NCS1: variants seen among roughly 807,000 people sequenced by gnomAD.
NCS1 encodes neuronal calcium sensor 1.
Under a neutral mutation model 28.4 loss-of-function variants are expected in NCS1, and 6 were observed. The ratio of observed to expected loss-of-function variants is 0.21; its 90% confidence interval spans 0.12 to 0.42. The LOEUF is 0.42. Ranked by LOEUF, NCS1 falls within the 10% of genes least tolerant of loss-of-function variation. NCS1 has a pLI of 1.00. For synonymous variants in NCS1, 86 were observed against 99.3 expected, an observed-to-expected ratio of 0.87 and a Z score of 0.79; for missense variants, 131 against 241.4, an observed-to-expected ratio of 0.54 and a Z score of 3.03.
Position 130,235,431 on chromosome 9 carries a change from G to A in NCS1, c.*2459G>A, listed in dbSNP as rs1467442904. The A allele has an allele frequency of 1.3e-5, 2 of 152,694 alleles. No homozygotes were observed. The highest frequency in any genetic ancestry group is 4.8e-5 in the African/African-American group (2 of 41,602). The allele number at this position is 152,694 out of a possible 1,614,324, so 9.5% of individuals were successfully genotyped here. ...TCTCTGGTCCAATGGGACTGACACT[G>A]TTGTACAACCTGACCTGTGGCTGAG... On this transcript the variant is annotated 3_prime_UTR_variant, in exon 8 of 8. Transcript: ENST00000372398.
At chr9:130,193,016 C>G (rs1483510326) in intron 1 of NCS1, among the ~76,000 whole-genome samples, 1 of 152,184 alleles carries the variant, frequency 6.6e-6, no homozygotes, top group Non-Finnish European at 1.5e-5. Flanking sequence ...GAGTCCAGGT[C>G]CCACAAGAGA....
At position 130,233,700 on chromosome 9, in the gene NCS1, G is replaced by A. The variant is rs1833531079; in HGVS notation, c.*728G>A. The A allele has an allele frequency of 6.6e-6, 1 of 152,364 alleles. No homozygotes were observed. Among genetic ancestry groups the A allele is most frequent in the African/African-American group, 2.4e-5 (1 of 41,376 alleles). The allele number at this position is 152,364 out of a possible 1,614,324, so 9.4% of individuals were successfully genotyped here. On this transcript the variant is annotated 3_prime_UTR_variant, in exon 8 of 8. Coordinates refer to ENST00000372398, the MANE Select transcript of NCS1 (RefSeq NM_014286.4). The surrounding 1 kb of genome is among the most constrained non-coding windows in gnomAD (Gnocchi z 4.8). ...TGCCTGGTGTGTCCTCAGCTCCCAG[G>A]GCTGCGGGCCCACCGTTTACATGTG...
chr9:130,172,742 C>A lies in NCS1; in HGVS notation c.64+15C>A. 3 of 1,456,398 alleles carry A rather than the reference C, an allele frequency of 2.1e-6. No individual in the cohort carries two copies. Among genetic ancestry groups the A allele is most frequent in the Non-Finnish European group, 1.8e-6 (2 of 1,090,982 alleles). 90.2% of individuals were successfully genotyped at this position (1,456,398 alleles called of 1,614,324 possible). On this transcript the variant is annotated intron_variant, in intron 1 of 7. Coordinates refer to ENST00000372398, the MANE Select transcript of NCS1 (RefSeq NM_014286.4). The stretch of plus-strand genomic sequence containing the variant: ...GAAGACCTACTGTGAGTGCTCCCAG[C>A]CCCCAGCCCGCGCCCCGCGGTCACC...
At chr9:130,174,938 G>C (rs1490421922) in intron 1 of NCS1, among the ~76,000 whole-genome samples, 1 of 152,148 alleles carries the variant, frequency 6.6e-6, no homozygotes, top group African/African-American at 2.4e-5. Context: ...AAGAGAAGTT[G>C]AGTCAACAAA....
Position 130,223,091 on chromosome 9 carries a change from G to T in NCS1, c.406G>T (p.Val136Leu), listed in dbSNP as rs1406411459. 2 of 1,613,810 alleles carry T rather than the reference G, an allele frequency of 1.2e-6. No individual in the cohort carries two copies. The highest frequency in any genetic ancestry group is 2.7e-5 in the African/African-American group (2 of 74,898). Residue 136 changes from valine (V) to leucine (L), a missense_variant, in exon 6 of 8, where the codon GTG (valine) becomes TTG (leucine). Around this residue, in one of 2 missense-constraint regions of NCS1, gnomAD observed 100 missense variants for 210.3 expected, o/e 0.48. Transcript: ENST00000372398. ...DAIYQMVGNT[V>L]ELPEEENTPE... ...TTGTCCGTCCCTGCAGGGGAATACC[G>T]TGGAGCTCCCAGAGGAGGAGAACAC...
intron 1 of NCS1, among the ~76,000 whole-genome samples, chr9:130,189,047 C>T (rs782021901): frequency 1.3e-5 from 2 of 152,192 alleles, no homozygotes; most frequent in Non-Finnish European, 2.9e-5. Context: ...GACAGATAGA[C>T]AGCTGTGTGG....
At position 130,180,288 on chromosome 9, in the gene NCS1, C is replaced by T. The variant is rs533494422; in HGVS notation, c.64+7561C>T. Among the ~76,000 whole-genome samples the T allele has an allele frequency of 6.6e-6, 1 of 152,200 alleles. No individual in the cohort carries two copies. The highest frequency in any genetic ancestry group is 2.1e-4 in the South Asian group (1 of 4,818). On this transcript the variant is annotated intron_variant, in intron 1 of 7. Coordinates refer to ENST00000372398, the MANE Select transcript of NCS1 (RefSeq NM_014286.4). This position sits in a 1 kb window ranked among gnomAD's most constrained non-coding sequence, Gnocchi z 4.5. ...GCCTCAAGTGGTGCACCCACCTTGG[C>T]CTCCCAAAGTGCTGGGATTACAGGC...
chr9:130,192,560 C>T lies in NCS1; in HGVS notation c.65-8398C>T, dbSNP rs140866917. 7.6e-3 allele frequency among the ~76,000 whole-genome samples: 1,155 copies of T among 152,132 alleles called. 13 individuals are homozygous for T. Among genetic ancestry groups the T allele is most frequent in the African/African-American group, 0.026 (1,091 of 41,486 alleles). On this transcript the variant is annotated intron_variant, in intron 1 of 7. Transcript: ENST00000372398. This position sits in a 1 kb window ranked among gnomAD's most constrained non-coding sequence, Gnocchi z 4.8. Reference sequence around the variant, plus strand: ...GGAGGTCTCAGGAGTTGACCTCTTTCGTGGGACAGAGAGGGGAGGGTGCGT... The same window carrying T: ...GGAGGTCTCAGGAGTTGACCTCTTTTGTGGGACAGAGAGGGGAGGGTGCGT...
chr9:130,196,411 A>C (rs879945926), intron 1 of NCS1, among the ~76,000 whole-genome samples: 5 of 152,214 alleles, frequency 3.3e-5, no homozygotes, highest in Non-Finnish European at 5.9e-5. Context: ...AAGAGGCTGC[A>C]GGCGTCTTGA....
At chr9:130,231,561 T>C (rs1833502148) in intron 7 of NCS1, among the ~76,000 whole-genome samples, 1 of 151,726 alleles carries the variant, frequency 6.6e-6, no homozygotes, top group Non-Finnish European at 1.5e-5. Context: ...TTTTTGTATT[T>C]TTAGTAGAGA....
In NCS1 at chr9:130,226,822, C is replaced by T. The variant is rs1289273354; in HGVS notation, c.*17+318C>T. On this transcript the variant is annotated intron_variant, in intron 7 of 7. Coordinates refer to ENST00000372398, the MANE Select transcript of NCS1 (RefSeq NM_014286.4). The surrounding 1 kb of genome is among the most constrained non-coding windows in gnomAD (Gnocchi z 4.8). ...CAGGCGGATCACCAGGTCAGGAGTT[C>T]AAGACCAGCCTGACCAACATGGTGA... Among the ~76,000 whole-genome samples the T allele has an allele frequency of 6.6e-6, 1 of 151,948 alleles. No homozygotes were observed. Among genetic ancestry groups the T allele is most frequent in the East Asian group, 1.9e-4 (1 of 5,156 alleles).
In NCS1 at chr9:130,177,186, G is replaced by A. The variant is rs916084591; in HGVS notation, c.64+4459G>A. On this transcript the variant is annotated intron_variant, in intron 1 of 7. Transcript: ENST00000372398. This position sits in a 1 kb window ranked among gnomAD's most constrained non-coding sequence, Gnocchi z 4.4. Reference sequence around the variant, plus strand: ...GCCTCTGTGACCCCGAGCAGAGGACGGGTCCCTGGCTCCAGGTTGGGGTCA... The same window carrying A: ...GCCTCTGTGACCCCGAGCAGAGGACAGGTCCCTGGCTCCAGGTTGGGGTCA... Among the ~76,000 whole-genome samples the A allele has an allele frequency of 6.6e-6, 1 of 152,226 alleles. No homozygotes were observed. The highest frequency in any genetic ancestry group is 1.5e-5 in the Non-Finnish European group (1 of 68,038).
At chr9:130,229,887 C>G (rs1456791470) in intron 7 of NCS1, among the ~76,000 whole-genome samples, 2 of 152,168 alleles carry the variant, frequency 1.3e-5, no homozygotes, top group African/African-American at 4.8e-5. Flanking sequence ...TGATGTAAGT[C>G]ATTGACTTAT....
chr9:130,212,296 C>T (rs1588120438), intron 2 of NCS1, among the ~76,000 whole-genome samples: 1 of 152,064 alleles, frequency 6.6e-6, no homozygotes, highest in South Asian at 2.1e-4. Context: ...TGGTTCTCAA[C>T]CTGGGTGGTT....
intron 1 of NCS1, among the ~76,000 whole-genome samples, chr9:130,184,822 C>T (rs1832718509): frequency 6.6e-6 from 1 of 150,908 alleles, no homozygotes; most frequent in African/African-American, 2.4e-5. Context: ...TTAGTAGAGA[C>T]AGGTTTTCGC....
chr9:130,184,380 C>A (rs1427680645), intron 1 of NCS1, among the ~76,000 whole-genome samples: 1 of 152,074 alleles, frequency 6.6e-6, no homozygotes. Context: ...CCTTTCCCAC[C>A]GAGCCCTCAG....
At chr9:130,183,408 C>T (rs1832691860) in intron 1 of NCS1, among the ~76,000 whole-genome samples, 1 of 152,188 alleles carries the variant, frequency 6.6e-6, no homozygotes, top group South Asian at 2.1e-4. Flanking sequence ...GGCATCCAGG[C>T]CACTGTGCTC....
rs35011671 is a variant in NCS1, at chr9:130,229,265, CTTTTTT to C, written c.*17+2771_*17+2776del. 6.8e-4 allele frequency among the ~76,000 whole-genome samples: 97 copies of C among 141,686 alleles called. No homozygotes were observed. The South Asian group carries it at 0.018, about 26-fold the overall frequency. 93.0% of individuals were successfully genotyped at this position (141,686 alleles called of 152,430 possible). A position where few individuals can be genotyped will look rare whatever the true frequency, so the allele number is the denominator to read the frequency against. ...GGAACTATCACTGTTATTAATATTTCTTTTTTTTTTTTTTTCCAAGATGGAGTCTCC... is the reference window on the plus strand; with the variant it reads ...GGAACTATCACTGTTATTAATATTTCTTTTTTTTTCCAAGATGGAGTCTCC... On this transcript the variant is annotated intron_variant, in intron 7 of 7. Coordinates refer to ENST00000372398, the MANE Select transcript of NCS1 (RefSeq NM_014286.4).
In NCS1 at chr9:130,235,810, G is replaced by A. The variant is rs1288865830; in HGVS notation, c.*2838G>A. ...AGCAGCCCGTGCGCCTCTCCACAGCGGCGTTTGCCACCCAATGCGGCTCGC... is the reference window on the plus strand; with the variant it reads ...AGCAGCCCGTGCGCCTCTCCACAGCAGCGTTTGCCACCCAATGCGGCTCGC... On this transcript the variant is annotated 3_prime_UTR_variant, in exon 8 of 8. Transcript: ENST00000372398. The A allele has an allele frequency of 6.6e-6, 1 of 152,382 alleles. No homozygotes were observed. Among genetic ancestry groups the A allele is most frequent in the East Asian group, 1.9e-4 (1 of 5,198 alleles). 9.4% of individuals were successfully genotyped at this position (152,382 alleles called of 1,614,324 possible).
Sources: gnomAD v4.1 joint callset for allele counts (sites outside exome capture counted in the v4.1 genomes callset) on GRCh38, gnomAD v4.1.1 for gene constraint, gnomAD v4.1.1 regional missense constraint, Gnocchi (gnomAD v3.1) non-coding constraint, MANE v1.5 for transcripts, NCBI Gene and HGNC (gene_info 2026-07-23, HGNC 2026-07-21) for gene names.